PRKCE: variants seen among roughly 807,000 people sequenced by gnomAD.
PRKCE encodes protein kinase C epsilon type.
Under a neutral mutation model 85.4 loss-of-function variants are expected in PRKCE, and 16 were observed. The observed-to-expected ratio is 0.19, with a 90% CI of 0.13 to 0.28. PRKCE has a LOEUF of 0.28. Ranked by LOEUF, PRKCE falls within the 10% of genes least tolerant of loss-of-function variation. The probability of loss-of-function intolerance (pLI) is 1.00; values close to 1 mark genes in which losing one functional copy is unlikely to be tolerated. For synonymous variants in PRKCE, 388 were observed against 371.5 expected, an observed-to-expected ratio of 1.04 and a Z score of -0.51; for missense variants, 573 against 975.2, an observed-to-expected ratio of 0.59 and a Z score of 5.49.
chr2:45,996,538 A>T (rs551239150), intron 6 of PRKCE, among the ~76,000 whole-genome samples: 33 of 152,290 alleles, frequency 2.2e-4, no homozygotes, highest in African/African-American at 7.9e-4. Flanking sequence ...ATATTTTATC[A>T]TAAATAGGTT....
At chr2:46,025,796 C>T (rs1332963232) in intron 10 of PRKCE, among the ~76,000 whole-genome samples, 3 of 152,194 alleles carry the variant, frequency 2.0e-5, no homozygotes, top group Non-Finnish European at 4.4e-5. Flanking sequence ...AAGCCCTGTC[C>T]AAGGCAGATC....
At chr2:45,928,920 G>C (rs932934907) in intron 2 of PRKCE, among the ~76,000 whole-genome samples, 2 of 152,192 alleles carry the variant, frequency 1.3e-5, no homozygotes, top group African/African-American at 2.4e-5. Context: ...GGGCCCCTCT[G>C]TCAGCGCTGA....
chr2:46,119,183 G>GA (rs1268069142), intron 11 of PRKCE, among the ~76,000 whole-genome samples: 7 of 150,714 alleles, frequency 4.6e-5, no homozygotes, highest in South Asian at 4.2e-4. Context: ...GTATGTAATG[G>GA]AAAAAAAACA....
chr2:46,010,504 G>C lies in PRKCE; in HGVS notation c.1424G>C (p.Cys475Ser). The change falls in exon 10 of 15, where the codon TGC becomes TCC. Residue 475 changes from cysteine to serine, a missense_variant. By Grantham distance (112) the Cys-to-Ser change is moderately radical. This residue lies in a region of PRKCE where 89 missense variants were observed against 154.1 expected (regional missense o/e 0.58). Transcript: ENST00000306156. ...KHPYLTQLYC[C>S]FQTKDRLFFV... ...CCGTACCTTACCCAACTCTACTGCT[G>C]CTTCCAGACCAAGGTATGTTAGGAA... 1.3e-6 allele frequency: 2 copies of C among 1,599,640 alleles called. No homozygotes were observed. The highest frequency in any genetic ancestry group is 1.7e-6 in the Non-Finnish European group (2 of 1,179,900).
At chr2:45,819,229 A>G (rs1192795025) in intron 1 of PRKCE, among the ~76,000 whole-genome samples, 2 of 152,178 alleles carry the variant, frequency 1.3e-5, no homozygotes, top group Non-Finnish European at 2.9e-5. Context: ...CTTTGTCCCC[A>G]CTTTGCAGAT....
intron 2 of PRKCE, among the ~76,000 whole-genome samples, chr2:45,932,221 G>A (rs1699099658): frequency 6.6e-6 from 1 of 152,134 alleles, no homozygotes; most frequent in Non-Finnish European, 1.5e-5. Flanking sequence ...TTCAACATTA[G>A]GTTTCTGAGA....
intron 1 of PRKCE, among the ~76,000 whole-genome samples, chr2:45,775,613 C>A (rs182298425): frequency 6.6e-6 from 1 of 152,328 alleles, no homozygotes; most frequent in East Asian, 1.9e-4. Context: ...CTGACCCCTT[C>A]TCTTCATTTC....
chr2:46,128,399 A>G (rs1674082650), intron 11 of PRKCE, among the ~76,000 whole-genome samples: 1 of 152,196 alleles, frequency 6.6e-6, no homozygotes. Flanking sequence ...ACTGGTATAA[A>G]CCCTTTCCAT....
intron 2 of PRKCE, among the ~76,000 whole-genome samples, chr2:45,868,389 TG>T (rs375710020): frequency 4.1e-5 from 6 of 145,678 alleles, no homozygotes; most frequent in African/African-American, 1.5e-4. Context: ...GAAGGAAAAC[TG>T]ATTAAATGAA....
Position 45,718,259 on chromosome 2 carries a change from C to T in PRKCE, c.348+65811C>T, listed in dbSNP as rs1045156785. On this transcript the variant is annotated intron_variant, in intron 1 of 14. Coordinates refer to ENST00000306156, the MANE Select transcript of PRKCE (RefSeq NM_005400.3). ...AAATGTCCCCTGCAGGGCAAAATTG[C>T]CCCCAATTGAGAATCACTAGGTTAG... Among the ~76,000 whole-genome samples, 4 of 152,080 alleles carry T rather than the reference C, an allele frequency of 2.6e-5. No individual in the cohort carries two copies. In the East Asian group the frequency reaches 7.7e-4, roughly 29 times the overall value.
At chr2:46,115,291 G>A (rs111253343) in intron 11 of PRKCE, among the ~76,000 whole-genome samples, 8 of 152,226 alleles carry the variant, frequency 5.3e-5, no homozygotes, top group Admixed American at 6.5e-5. Context: ...AGGCATTGCT[G>A]TCCATCCTGC....
At chr2:46,091,839 G>A (rs1334138531) in intron 11 of PRKCE, among the ~76,000 whole-genome samples, 2 of 152,162 alleles carry the variant, frequency 1.3e-5, no homozygotes, top group East Asian at 3.8e-4. Flanking sequence ...TCTCCAAAAG[G>A]AATGCCTGAA....
intron 1 of PRKCE, among the ~76,000 whole-genome samples, chr2:45,762,011 G>C (rs185809560): frequency 6.6e-6 from 1 of 152,136 alleles, no homozygotes; most frequent in Non-Finnish European, 1.5e-5. Context: ...CTCCCAACCT[G>C]GGTTTCCATC....
intron 1 of PRKCE, among the ~76,000 whole-genome samples, chr2:45,767,623 C>T (rs960401665): frequency 1.3e-5 from 2 of 152,160 alleles, no homozygotes; most frequent in South Asian, 2.1e-4. Context: ...AAGTTTTCTC[C>T]AATTATTGCC....
intron 12 of PRKCE, among the ~76,000 whole-genome samples, chr2:46,148,810 C>A (rs1191962119): frequency 6.6e-6 from 1 of 152,192 alleles, no homozygotes; most frequent in Non-Finnish European, 1.5e-5. Flanking sequence ...CTCGTAGGAA[C>A]AGGCAGGGGT....
At chr2:46,120,405 C>T (rs952958360) in intron 11 of PRKCE, among the ~76,000 whole-genome samples, 13 of 152,064 alleles carry the variant, frequency 8.5e-5, no homozygotes, top group South Asian at 2.1e-4. Flanking sequence ...ATGCACAGGA[C>T]GGTCCTCACA....
intron 6 of PRKCE, among the ~76,000 whole-genome samples, chr2:45,999,685 A>G (rs2104714306): frequency 6.6e-6 from 1 of 152,160 alleles, no homozygotes; most frequent in East Asian, 1.9e-4. Context: ...CATTGTATCA[A>G]ATATTAATAT....
rs1434378146 is a variant in PRKCE at position 46,151,169 on chromosome 2, C to G, written c.1860C>G (p.Leu620=). The G allele has an allele frequency of 1.3e-6, 2 of 1,599,496 alleles. No homozygotes were observed. The highest frequency in any genetic ancestry group is 1.3e-5 in the African/African-American group (1 of 74,860). The change falls in exon 13 of 15, where the codon CTC becomes CTG. Residue 620 remains leucine (L), a synonymous_variant. Coordinates refer to ENST00000306156, the MANE Select transcript of PRKCE (RefSeq NM_005400.3). ...DNEDDLFESI[L]HDDVLYPVWL... Reference sequence around the variant, plus strand: ...AGGACGACCTATTTGAGTCCATCCTCCATGACGACGTGCTGTACCCAGTCT... The same window carrying G: ...AGGACGACCTATTTGAGTCCATCCTGCATGACGACGTGCTGTACCCAGTCT...
In PRKCE at chr2:45,744,488, T is replaced by TC. The variant is rs1558623864; in HGVS notation, c.348+92040_348+92041insC. On this transcript the variant is annotated intron_variant, in intron 1 of 14. Transcript: ENST00000306156. ...TTCTTTCTTTCTTTCTTTCTTTCTTTTTCTTTCTTTCTTTTCTTTCTTTCT... is the reference window on the plus strand; with the variant it reads ...TTCTTTCTTTCTTTCTTTCTTTCTTTCTTCTTTCTTTCTTTTCTTTCTTTCT... 1.4e-4 allele frequency among the ~76,000 whole-genome samples: 4 copies of TC among 29,184 alleles called. 1 individual carries two copies. The highest frequency in any genetic ancestry group is 2.5e-4 in the African/African-American group (2 of 7,932). 19.1% of individuals were successfully genotyped at this position (29,184 alleles called of 152,430 possible). A position where few individuals can be genotyped will look rare whatever the true frequency, so the allele number is the denominator to read the frequency against.
Sources: allele counts gnomAD v4.1 joint callset (sites outside exome capture counted in the v4.1 genomes callset), GRCh38; gene constraint gnomAD v4.1.1; regional missense constraint gnomAD v4.1.1; transcripts MANE v1.5; gene names NCBI Gene and HGNC (gene_info 2026-07-23, HGNC 2026-07-21).